Variants in GLT6D1 observed in about 807,000 individuals in gnomAD.
GLT6D1 encodes the protein putative glycosyltransferase 6 domain-containing protein 1.
Under a neutral mutation model 12.3 loss-of-function variants are expected in GLT6D1, and 9 were observed. The observed-to-expected ratio is 0.73, with a 90% CI of 0.44 to 1.27. The LOEUF is 1.27. GLT6D1 is among the 50% of genes most tolerant of loss of function. The pLI, the probability that GLT6D1 is intolerant of heterozygous loss-of-function variation, is 0.00. For missense variants in GLT6D1, 335 were observed against 346.2 expected, an observed-to-expected ratio of 0.97 and a Z score of 0.26; for synonymous variants, 128 against 132.3, an observed-to-expected ratio of 0.97 and a Z score of 0.23.
At chr9:135,630,229 C>A (rs905832365) in intron 3 of GLT6D1, among the ~76,000 whole-genome samples, 8 of 151,928 alleles carry the variant, frequency 5.3e-5, no homozygotes, top group African/African-American at 9.7e-5. Context: ...TACGGTGAAA[C>A]CCTGTCTCTA....
chr9:135,624,296 C>A lies in GLT6D1; in HGVS notation c.632G>T (p.Arg211Met), dbSNP rs1006663732. Residue 211 changes from arginine (R) to methionine (M), a missense_variant, in exon 5 of 5, where the codon AGG becomes ATG. By Grantham distance (91) the Arg-to-Met change is moderately conservative. Transcript: ENST00000371763. ...CGGGATGCAAGCTGCTGAGGTCGGCCTCCTCTCATAAGGGAAGTTCTTGGT... is the reference window on the plus strand; with the variant it reads ...CGGGATGCAAGCTGCTGAGGTCGGCATCCTCTCATAAGGGAAGTTCTTGGT... ...RNTKNFPYERRPTSAACIPFG... is the reference protein window; with the variant it reads ...RNTKNFPYERMPTSAACIPFG... 1.9e-6 allele frequency: 3 copies of A among 1,605,902 alleles called. No homozygotes were observed. The highest frequency in any genetic ancestry group is 1.7e-6 in the Non-Finnish European group (2 of 1,175,788).
intron 3 of GLT6D1, among the ~76,000 whole-genome samples, chr9:135,630,316 G>A (rs1467596484): frequency 2.7e-5 from 4 of 150,918 alleles, no homozygotes; most frequent in East Asian, 2.0e-4. Context: ...TGAGGCAGGA[G>A]AATCGTGTGA....
chr9:135,639,496 A>G lies in GLT6D1; in HGVS notation c.-210T>C, dbSNP rs1367173606. ...ATCTCTCCACTGCAGGGCTGTGCAA[A>G]TAGAATGAGGTCTTGATGAGGAAGT... is the stretch of plus-strand genomic sequence containing the variant. On this transcript the variant is annotated 5_prime_UTR_variant, in exon 1 of 5. Transcript: ENST00000371763. 5.0e-6 allele frequency: 1 copy of G among 201,950 alleles called. No homozygotes were observed. The highest frequency in any genetic ancestry group is 9.9e-6 in the Non-Finnish European group (1 of 101,098). 12.5% of individuals were successfully genotyped at this position (201,950 alleles called of 1,614,324 possible).
intron 2 of GLT6D1, among the ~76,000 whole-genome samples, chr9:135,635,885 C>T (rs1293889512): frequency 6.6e-6 from 1 of 152,214 alleles, no homozygotes; most frequent in Non-Finnish European, 1.5e-5. Context: ...ATGAAGTTCC[C>T]TCCAACAGCA....
At position 135,624,349 on chromosome 9, in the gene GLT6D1, C is replaced by T; in HGVS notation, c.579G>A (p.Gln193=). The change falls in exon 5 of 5, where the codon CAG becomes CAA. Residue 193 remains glutamine, a synonymous_variant. Transcript: ENST00000371763. The part of the protein sequence containing the change: ...GVETLGPLVA[Q]LHAWWYFRNT... ...TTCTGAAATACCACCAGGCGTGGAG[C>T]TGGGCCACCAACGGGCCCAGGGTCT... is the stretch of plus-strand genomic sequence containing the variant. The T allele has an allele frequency of 6.2e-7, 1 of 1,613,684 alleles. No individual in the cohort carries two copies. The highest frequency in any genetic ancestry group is 8.5e-7 in the Non-Finnish European group (1 of 1,179,766).
Position 135,633,026 on chromosome 9 carries a change from C to T in GLT6D1, c.72-1548G>A, listed in dbSNP as rs146852109. On this transcript the variant is annotated intron_variant, in intron 2 of 4. Transcript: ENST00000371763. ...CTCAAGCTCACCACACACACGTGCACGCACACACGCAAGCACACATACACG... is the reference window on the plus strand; with the variant it reads ...CTCAAGCTCACCACACACACGTGCATGCACACACGCAAGCACACATACACG... 4.5e-3 allele frequency among the ~76,000 whole-genome samples: 683 copies of T among 152,234 alleles called. 5 individuals are homozygous for T. Among genetic ancestry groups the T allele is most frequent in the African/African-American group, 0.016 (647 of 41,524 alleles).
intron 2 of GLT6D1, among the ~76,000 whole-genome samples, chr9:135,632,060 A>G (rs2119142677): frequency 6.6e-6 from 1 of 151,760 alleles, no homozygotes; most frequent in Admixed American, 6.6e-5. Flanking sequence ...GTTCTTCTAG[A>G]GTGTAATTGT....
In GLT6D1 at chr9:135,631,357, G is replaced by A. The variant is rs1179205036; in HGVS notation, c.119+74C>T. The A allele has an allele frequency of 3.6e-5, 42 of 1,180,640 alleles. 1 individual carries two copies. Among genetic ancestry groups the A allele is most frequent in the Non-Finnish European group, 5.0e-5 (39 of 785,932 alleles). 73.1% of individuals were successfully genotyped at this position (1,180,640 alleles called of 1,614,324 possible). On this transcript the variant is annotated intron_variant, in intron 3 of 4. Transcript: ENST00000371763. ...CAGGAGAGCTGAATTTGGTGACTGG[G>A]GAAGAAAAACCTGTTACTTCCAATT... is the stretch of plus-strand genomic sequence containing the variant.
chr9:135,633,458 G>A (rs1161116561), intron 2 of GLT6D1, among the ~76,000 whole-genome samples: 4 of 151,766 alleles, frequency 2.6e-5, no homozygotes, highest in South Asian at 2.1e-4. Flanking sequence ...TAGTAGACAC[G>A]GGGCCAGGCT....
At chr9:135,630,980 T>TA (rs11414887) in intron 3 of GLT6D1, among the ~76,000 whole-genome samples, 110,290 of 147,768 alleles carry the variant, frequency 0.75, 41,030 homozygotes, top group East Asian at 0.94. Context: ...TATATCTGTG[T>TA]AAAAAAAAAA....
At chr9:135,640,817 C>T (rs1455996994), upstream of GLT6D1, among the ~76,000 whole-genome samples, 19 of 152,158 alleles carry the variant, frequency 1.2e-4, no homozygotes. Context: ...GGGCAGGCTT[C>T]GGTTGGGCCC....
chr9:135,634,902 G>A (rs1242498355), intron 2 of GLT6D1, among the ~76,000 whole-genome samples: 2 of 152,128 alleles, frequency 1.3e-5, no homozygotes, highest in South Asian at 2.1e-4. Context: ...TTCTGTTTTC[G>A]GGCTTCTCCA....
chr9:135,632,729 G>A (rs993624108), intron 2 of GLT6D1, among the ~76,000 whole-genome samples: 37 of 149,564 alleles, frequency 2.5e-4, no homozygotes, highest in African/African-American at 7.9e-4. Context: ...GTGCAGTGGC[G>A]CAATCTCAGC....
At chr9:135,632,181 G>A (rs1833664764) in intron 2 of GLT6D1, among the ~76,000 whole-genome samples, 1 of 147,736 alleles carries the variant, frequency 6.8e-6, no homozygotes, top group African/African-American at 2.5e-5. Context: ...TGCCCAGGCT[G>A]GAGTGCAGTG....
At position 135,623,801 on chromosome 9, in the gene GLT6D1, G is replaced by A. The variant is rs964577983; in HGVS notation, c.*296C>T. On this transcript the variant is annotated 3_prime_UTR_variant, in exon 5 of 5. Coordinates refer to ENST00000371763, the MANE Select transcript of GLT6D1 (RefSeq NM_182974.3). ...ACAATACATAGATAATAACATTACT[G>A]TGTATTAACATTAAGTAATTATCCT... 7.2e-6 allele frequency: 2 copies of A among 276,346 alleles called. No homozygotes were observed. The highest frequency in any genetic ancestry group is 1.4e-5 in the Non-Finnish European group (2 of 147,368). 17.1% of individuals were successfully genotyped at this position (276,346 alleles called of 1,614,324 possible).
In GLT6D1 at chr9:135,624,017, G is replaced by T; in HGVS notation, c.*80C>A. 1 of 839,436 alleles carries T rather than the reference G, an allele frequency of 1.2e-6. No individual in the cohort carries two copies. The highest frequency in any genetic ancestry group is 1.9e-6 in the Non-Finnish European group (1 of 520,666). The allele number at this position is 839,436 out of a possible 1,614,324, so 52.0% of individuals were successfully genotyped here. ...TGGCGTAATTCATAATTTCCTCTGGGAATCATGTGCGACCTTGACGTATTG... is the reference window on the plus strand; with the variant it reads ...TGGCGTAATTCATAATTTCCTCTGGTAATCATGTGCGACCTTGACGTATTG... On this transcript the variant is annotated 3_prime_UTR_variant, in exon 5 of 5. Coordinates refer to ENST00000371763, the MANE Select transcript of GLT6D1 (RefSeq NM_182974.3).
chr9:135,624,108 T>G lies in GLT6D1; in HGVS notation c.820A>C (p.Lys274Gln). The change falls in exon 5 of 5, where the codon AAA (lysine) becomes CAA (glutamine). Residue 274 changes from lysine to glutamine, a missense_variant. Transcript: ENST00000371763. ...KHLNKYFYLN[K>Q]PT ...GCTGGTGATAACAGCTAGGTGGGTT[T>G]ATTGAGGTAAAAATATTTGTTAAGG... The G allele has an allele frequency of 6.2e-7, 1 of 1,610,376 alleles. No homozygotes were observed.
At chr9:135,637,697 T>C (rs1449234671) in intron 2 of GLT6D1, among the ~76,000 whole-genome samples, 1 of 152,140 alleles carries the variant, frequency 6.6e-6, no homozygotes, top group Non-Finnish European at 1.5e-5. Context: ...TCTTCTCTTG[T>C]GAGATTCTAT....
intron 3 of GLT6D1, among the ~76,000 whole-genome samples, chr9:135,630,897 T>A (rs939280215): frequency 2.0e-5 from 3 of 151,886 alleles, no homozygotes; most frequent in African/African-American, 4.8e-5. Flanking sequence ...AAAATTTACA[T>A]CAAAAATTTT....
Sources: gnomAD v4.1 joint callset for allele counts (sites outside exome capture counted in the v4.1 genomes callset) on GRCh38, gnomAD v4.1.1 for gene constraint, MANE v1.5 for transcripts, NCBI Gene and HGNC (gene_info 2026-07-23, HGNC 2026-07-21) for gene names.